The following CNTNAP2 variants were observed in gnomAD, a reference collection of about 807,000 sequenced individuals.
CNTNAP2 encodes contactin associated protein 2, also known as contactin-associated protein-like 2.
Under a neutral mutation model 155.2 loss-of-function variants are expected in CNTNAP2, and 98 were observed. That is an observed-to-expected ratio of 0.63 (90% CI 0.54 to 0.75). CNTNAP2 has a LOEUF of 0.75. CNTNAP2 is among the 30% of genes least tolerant of loss of function. The pLI is 0.00. For synonymous variants in CNTNAP2, 651 were observed against 631.2 expected (o/e 1.03, Z -0.47); for missense variants, 1,727 against 1,688.1 (o/e 1.02, Z -0.40).
At chr7:146,651,534 T>G (rs1212651360) in intron 1 of CNTNAP2, among the ~76,000 whole-genome samples, 2 of 152,192 alleles carry the variant, frequency 1.3e-5, no homozygotes, top group Non-Finnish European at 2.9e-5. Flanking sequence ...CTTGCTCTTG[T>G]CTTACAATGT....
At chr7:148,053,292 TA>T (rs1439249959) in intron 15 of CNTNAP2, among the ~76,000 whole-genome samples, 4 of 152,226 alleles carry the variant, frequency 2.6e-5, no homozygotes, top group African/African-American at 4.8e-5. Context: ...TTATTCCAAA[TA>T]TTGTAAAATA....
intron 3 of CNTNAP2, among the ~76,000 whole-genome samples, chr7:146,926,770 C>G (rs763503072): frequency 1.3e-5 from 2 of 152,044 alleles, no homozygotes; most frequent in Non-Finnish European, 2.9e-5. Context: ...GGGAGCTCTT[C>G]TAGAACAAAA....
chr7:148,055,827 CT>C (rs1455381593), intron 15 of CNTNAP2, among the ~76,000 whole-genome samples: 3 of 152,180 alleles, frequency 2.0e-5, no homozygotes, highest in African/African-American at 7.2e-5. Flanking sequence ...TTCCTATCGC[CT>C]TCTTTTAAAT....
intron 3 of CNTNAP2, among the ~76,000 whole-genome samples, chr7:146,935,745 A>G (rs550471576): frequency 1.2e-3 from 187 of 152,310 alleles, no homozygotes; most frequent in Non-Finnish European, 2.0e-3. Flanking sequence ...TGTCTTGTGG[A>G]GAAAGCATTG....
At chr7:148,306,213 A>G (rs1797488956) in intron 21 of CNTNAP2, among the ~76,000 whole-genome samples, 1 of 152,060 alleles carries the variant, frequency 6.6e-6, no homozygotes, top group Non-Finnish European at 1.5e-5. Flanking sequence ...CTTTATTTGA[A>G]CTCGGTGTTT....
At chr7:147,018,985 A>C (rs1253584949) in intron 3 of CNTNAP2, among the ~76,000 whole-genome samples, 1 of 152,080 alleles carries the variant, frequency 6.6e-6, no homozygotes, top group Admixed American at 6.6e-5. Context: ...CCATACTACA[A>C]ATCTCTTTTC....
chr7:147,351,007 A>G (rs904267397), intron 9 of CNTNAP2, among the ~76,000 whole-genome samples: 1 of 151,858 alleles, frequency 6.6e-6, no homozygotes, highest in Admixed American at 6.6e-5. Context: ...GAAAGGAATG[A>G]AAAGTTTTAT....
At chr7:146,856,284 A>AC (rs1351639663) in intron 3 of CNTNAP2, among the ~76,000 whole-genome samples, 1 of 133,384 alleles carries the variant, frequency 7.5e-6, no homozygotes, top group Admixed American at 7.2e-5. Context: ...ATAGATAGAT[A>AC]GATAGATAGA....
At chr7:147,464,369 A>C (rs1798076670) in intron 10 of CNTNAP2, among the ~76,000 whole-genome samples, 1 of 148,926 alleles carries the variant, frequency 6.7e-6, no homozygotes, top group South Asian at 2.2e-4. Flanking sequence ...CGGGAGGCTG[A>C]GGCAGGAGAA....
chr7:146,892,337 T>C (rs1795796310), intron 3 of CNTNAP2, among the ~76,000 whole-genome samples: 1 of 152,096 alleles, frequency 6.6e-6, no homozygotes, highest in African/African-American at 2.4e-5. Context: ...ATCTTTTAGG[T>C]CCAGAGCCAA....
intron 3 of CNTNAP2, among the ~76,000 whole-genome samples, chr7:146,965,361 G>A (rs889143213): frequency 3.3e-5 from 5 of 152,006 alleles, no homozygotes; most frequent in Non-Finnish European, 7.4e-5. Context: ...TTATAGAGGA[G>A]GATGCTAGGA....
At chr7:146,810,445 C>T (rs944019630) in intron 2 of CNTNAP2, among the ~76,000 whole-genome samples, 1 of 151,430 alleles carries the variant, frequency 6.6e-6, no homozygotes, top group Non-Finnish European at 1.5e-5. Context: ...TGTTTAGATG[C>T]TATTATCATG....
At chr7:148,408,250 A>T (rs1799749105) in intron 22 of CNTNAP2, among the ~76,000 whole-genome samples, 2 of 152,092 alleles carry the variant, frequency 1.3e-5, no homozygotes, top group South Asian at 4.2e-4. Context: ...CCCTTTCCCC[A>T]CACTGCCCCC....
At chr7:146,538,435 T>G (rs887840107) in intron 1 of CNTNAP2, among the ~76,000 whole-genome samples, 11 of 152,096 alleles carry the variant, frequency 7.2e-5, no homozygotes, top group Non-Finnish European at 8.8e-5. Flanking sequence ...AGGAGCAGTT[T>G]CTATCACATA....
intron 10 of CNTNAP2, among the ~76,000 whole-genome samples, chr7:147,399,639 T>C (rs1796879393): frequency 6.6e-6 from 1 of 152,174 alleles, no homozygotes; most frequent in South Asian, 2.1e-4. Context: ...AATTCAAGGT[T>C]GGACATGAAT....
intron 18 of CNTNAP2, among the ~76,000 whole-genome samples, chr7:148,173,356 T>C (rs1794866158): frequency 6.6e-6 from 1 of 152,204 alleles, no homozygotes; most frequent in African/African-American, 2.4e-5. Context: ...ATGTATAGCA[T>C]ATGGGTAAAG....
Position 148,194,753 on chromosome 7 carries a change from GA to G in CNTNAP2, c.3010+22283del, listed in dbSNP as rs974997423. ...TGAGAAGAAGGATGTCCCAGCTCAA[GA>G]AAAAAAAGAGACAACTTACCCTTCC... On this transcript the variant is annotated intron_variant, in intron 18 of 23. Coordinates refer to ENST00000361727, the MANE Select transcript of CNTNAP2 (RefSeq NM_014141.6). Among the ~76,000 whole-genome samples, 18 of 151,816 alleles carry G rather than the reference GA, an allele frequency of 1.2e-4. No individual in the cohort carries two copies. In the South Asian group the frequency reaches 2.1e-3, roughly 18 times the overall value.
At chr7:147,801,325 T>TTTTA (rs1554436484) in intron 13 of CNTNAP2, among the ~76,000 whole-genome samples, 1 of 145,176 alleles carries the variant, frequency 6.9e-6, no homozygotes, top group African/African-American at 2.6e-5. Context: ...TTTTTTTTTT[T>TTTTA]AATTTTTTTT....
intron 1 of CNTNAP2, among the ~76,000 whole-genome samples, chr7:146,622,283 A>ATC (rs1563160580): frequency 0.03 from 3,191 of 106,762 alleles, 101 homozygotes; most frequent in African/African-American, 0.089. Flanking sequence ...ATCTATCTAT[A>ATC]TATATATATG....
Sources: gnomAD v4.1 joint callset for allele counts (sites outside exome capture counted in the v4.1 genomes callset) on GRCh38, gnomAD v4.1.1 for gene constraint, MANE v1.5 for transcripts, NCBI Gene and HGNC (gene_info 2026-07-23, HGNC 2026-07-21) for gene names.